Variants in MKNK1 observed in about 807,000 individuals in gnomAD.
The protein encoded by MKNK1 is MAP kinase-interacting serine/threonine-protein kinase 1.
Under a neutral mutation model 49.3 loss-of-function variants are expected in MKNK1, and 30 were observed. The ratio of observed to expected loss-of-function variants is 0.61; its 90% CI spans 0.46 to 0.83. The LOEUF is 0.83. Among genes scored for constraint, MKNK1 ranks in the 40% least tolerant of loss-of-function variants. The probability of loss-of-function intolerance (pLI) is 0.00; values close to 1 mark genes in which losing one functional copy is unlikely to be tolerated. For missense variants in MKNK1, 423 were observed against 524.7 expected, an observed-to-expected ratio of 0.81 and a Z score of 1.89; for synonymous variants, 176 against 201.7, an observed-to-expected ratio of 0.87 and a Z score of 1.08.
At chr1:46,580,339 G>A (rs1198617825) in intron 4 of MKNK1, 191 bp downstream of exon 4, 4 of 580,660 alleles carry the variant, frequency 6.9e-6, no homozygotes, top group Non-Finnish European at 1.2e-5. Flanking sequence ...TTTTACAGAT[G>A]AGAAAACTGA....
intron 1 of MKNK1, among the ~76,000 whole-genome samples, chr1:46,600,753 C>T (rs1570351601): frequency 1.3e-5 from 2 of 152,322 alleles, no homozygotes; most frequent in East Asian, 3.9e-4. Flanking sequence ...GCCTTAGTTT[C>T]CAAGCTATAA....
intron 8 of MKNK1, chr1:46,565,369 G>A (rs1472994651): frequency 1.8e-6 from 1 of 542,626 alleles, no homozygotes; most frequent in Non-Finnish European, 3.3e-6. Context: ...TGGACTATTT[G>A]GTGTCAGATT....
At chr1:46,566,840 T>C (rs1055698008) in intron 8 of MKNK1, among the ~76,000 whole-genome samples, 3 of 152,248 alleles carry the variant, frequency 2.0e-5, no homozygotes, top group Non-Finnish European at 4.4e-5. Context: ...TTTGTCTTTT[T>C]GTTGTAGAGT....
chr1:46,603,716 A>G (rs1247927246), intron 1 of MKNK1, among the ~76,000 whole-genome samples: 1 of 152,226 alleles, frequency 6.6e-6, no homozygotes, highest in Non-Finnish European at 1.5e-5. Context: ...GCTCTCTAGA[A>G]GACAGGGTGC....
chr1:46,580,465 G>A, intron 4 of MKNK1, 65 bp downstream of exon 4: 1 of 1,073,120 alleles, frequency 9.3e-7, no homozygotes, highest in South Asian at 1.3e-5. Context: ...ACATTTATTT[G>A]GTTCAAGATG....
intron 4 of MKNK1, among the ~76,000 whole-genome samples, chr1:46,579,453 C>G (rs1671441701): frequency 6.6e-6 from 1 of 152,226 alleles, no homozygotes; most frequent in African/African-American, 2.4e-5. Flanking sequence ...TATCCTACAT[C>G]TGGAAACCTG....
chr1:46,559,508 C>A (rs937085036), intron 12 of MKNK1, among the ~76,000 whole-genome samples: 10 of 152,246 alleles, frequency 6.6e-5, no homozygotes, highest in Admixed American at 2.6e-4. Context: ...CAGCCCAGGG[C>A]TGCTGTGTGG....
intron 4 of MKNK1, among the ~76,000 whole-genome samples, chr1:46,578,586 A>ATTT (rs71817045): frequency 6.5e-5 from 9 of 138,348 alleles, no homozygotes; most frequent in African/African-American, 1.1e-4. Context: ...AGATATATCA[A>ATTT]TTTTTTTTTT....
At chr1:46,565,170 A>G (rs1161135251) in intron 8 of MKNK1, 34 bp from the exon 9 acceptor site, 2 of 1,598,132 alleles carry the variant, frequency 1.3e-6, no homozygotes, top group South Asian at 1.1e-5. Flanking sequence ...GGTCACAGAT[A>G]TAAGAAACTA....
chr1:46,592,455 T>C (rs1050917763), intron 2 of MKNK1, among the ~76,000 whole-genome samples: 8 of 152,214 alleles, frequency 5.3e-5, no homozygotes, highest in Admixed American at 2.0e-4. Flanking sequence ...CTGCAGTGTA[T>C]GCTGCGAACC....
intron 8 of MKNK1, among the ~76,000 whole-genome samples, chr1:46,567,657 C>T (rs182109810): frequency 7.9e-5 from 12 of 152,300 alleles, no homozygotes; most frequent in Admixed American, 2.0e-4. Flanking sequence ...TTATGAGCCG[C>T]GGCTTCATCC....
At chr1:46,594,386 A>G (rs1570318137) in intron 1 of MKNK1, 106 bp from the exon 2 acceptor site, 6 of 560,158 alleles carry the variant, frequency 1.1e-5, no homozygotes, top group Middle Eastern at 2.7e-4. Flanking sequence ...GAGTTACCCC[A>G]CTAAGTAGAT....
Position 46,560,107 on chromosome 1 carries a change from G to T in MKNK1, c.1013+127C>A, listed in dbSNP as rs1667672218. The T allele has an allele frequency of 3.0e-6, 3 of 1,007,816 alleles. No individual in the cohort carries two copies. In the Admixed American group the frequency reaches 5.9e-5, roughly 20 times the overall value. 62.4% of individuals were successfully genotyped at this position (1,007,816 alleles called of 1,614,324 possible). On this transcript the variant is annotated intron_variant, in intron 12 of 12. Transcript: ENST00000371945. ...AGTAGAGGAAAAGAGAGTGAGGAGG[G>T]GAAATGGGCAGGGAGCCCCTTTGGA...
intron 5 of MKNK1, chr1:46,575,341 G>T: frequency 4.6e-6 from 1 of 217,066 alleles, no homozygotes; most frequent in Non-Finnish European, 9.1e-6. Flanking sequence ...ATCTGCAGCC[G>T]ACTGGAAGCA....
intron 1 of MKNK1, among the ~76,000 whole-genome samples, chr1:46,599,205 A>T (rs1306499906): frequency 6.6e-6 from 1 of 152,112 alleles, no homozygotes. Context: ...CAGACTGAGG[A>T]CTCTCAGATG....
At chr1:46,565,235 C>T in intron 8 of MKNK1, 99 bp from the exon 9 acceptor site, 1 of 1,084,676 alleles carries the variant, frequency 9.2e-7, no homozygotes, top group East Asian at 2.4e-5. Flanking sequence ...GTGGCTGTCA[C>T]ACCGCAGCTG....
intron 2 of MKNK1, among the ~76,000 whole-genome samples, chr1:46,588,825 T>A (rs1269108): frequency 0.095 from 13,712 of 143,816 alleles, 2,047 homozygotes; most frequent in African/African-American, 0.32. Flanking sequence ...AAAAAAAAAA[T>A]GCTACTTCTT....
chr1:46,579,225 T>C (rs1671411571), intron 4 of MKNK1, among the ~76,000 whole-genome samples: 1 of 152,236 alleles, frequency 6.6e-6, no homozygotes, highest in African/African-American at 2.4e-5. Context: ...CAGCTGGGAC[T>C]GTGGAAAGTT....
chr1:46,565,420 G>A (rs750994663), intron 8 of MKNK1: 1 of 431,622 alleles, frequency 2.3e-6, no homozygotes, highest in Non-Finnish European at 4.3e-6. Flanking sequence ...ACTCTTGCTG[G>A]CAAATGATGG....
Sources: gnomAD v4.1 joint callset for allele counts (sites outside exome capture counted in the v4.1 genomes callset) on GRCh38, gnomAD v4.1.1 for gene constraint, MANE v1.5 for transcripts, NCBI Gene and HGNC (gene_info 2026-07-23, HGNC 2026-07-21) for gene names.